CDC42BPB: variants seen among roughly 807,000 people sequenced by gnomAD.
CDC42BPB encodes the protein serine/threonine-protein kinase MRCK beta.
A neutral mutation model predicts 214.9 loss-of-function variants in CDC42BPB; 37 were observed. That is an observed-to-expected ratio of 0.17 (90% CI 0.13 to 0.23). The LOEUF (loss-of-function observed/expected upper bound fraction) is 0.23. Among genes scored for constraint, CDC42BPB ranks in the 10% least tolerant of loss-of-function variants. The probability of loss-of-function intolerance (pLI) is 1.00; values close to 1 mark genes in which losing one functional copy is unlikely to be tolerated. For synonymous variants in CDC42BPB, 931 were observed against 884.0 expected (o/e 1.05, Z -0.94); for missense variants, 1,694 against 2,227.0 (o/e 0.76, Z 4.82).
At chr14:103,009,329 C>A (rs1431823960) in intron 2 of CDC42BPB, among the ~76,000 whole-genome samples, 1 of 152,212 alleles carries the variant, frequency 6.6e-6, no homozygotes, top group South Asian at 2.1e-4. Flanking sequence ...GCACATTCTG[C>A]GTGCCAGAGA....
intron 5 of CDC42BPB, among the ~76,000 whole-genome samples, chr14:102,993,716 G>A (rs1383190020): frequency 6.6e-6 from 1 of 152,162 alleles, no homozygotes; most frequent in East Asian, 1.9e-4. Flanking sequence ...AGTCACCCAT[G>A]TAAATAAAAG....
intron 27 of CDC42BPB, 105 bp downstream of exon 27, chr14:102,947,616 G>A: frequency 1.0e-6 from 1 of 986,062 alleles, no homozygotes. Context: ...GAGACCCTAG[G>A]GCCACACTGG....
At chr14:103,038,722 G>GT (rs937014140) in intron 1 of CDC42BPB, among the ~76,000 whole-genome samples, 1 of 115,938 alleles carries the variant, frequency 8.6e-6, no homozygotes, top group Non-Finnish European at 1.8e-5. Flanking sequence ...AGACGGGGGG[G>GT]GGGGGCGGGT....
intron 7 of CDC42BPB, chr14:102,981,222 T>C (rs903348901): frequency 2.0e-6 from 2 of 978,728 alleles, no homozygotes; most frequent in Non-Finnish European, 2.4e-6. Context: ...TTTTACTCAT[T>C]GTAGACTTGT....
chr14:102,963,724 C>T (rs1226196567), intron 19 of CDC42BPB, among the ~76,000 whole-genome samples: 1 of 152,204 alleles, frequency 6.6e-6, no homozygotes, highest in Non-Finnish European at 1.5e-5. Flanking sequence ...ACAAGACTGC[C>T]TACCCTGTTG....
rs71119751 is a variant in CDC42BPB, at chr14:103,048,532, C to CAAA, written c.175+8464_175+8466dup. Among the ~76,000 whole-genome samples the CAAA allele has an allele frequency of 2.0e-3, 84 of 42,652 alleles. 2 individuals are homozygous for CAAA. Among genetic ancestry groups the CAAA allele is most frequent in the Admixed American group, 2.4e-3 (6 of 2,494 alleles). 28.0% of individuals were successfully genotyped at this position (42,652 alleles called of 152,430 possible). ...TGAAACCCTGTTTCTACTAAAAATA[C>CAAA]AAAAAAAAAAAAAAAAAAAAAAAAA... On this transcript the variant is annotated intron_variant, in intron 1 of 36. Transcript: ENST00000361246.
At chr14:103,041,084 TATTA>T (rs1426703339) in intron 1 of CDC42BPB, among the ~76,000 whole-genome samples, 1 of 152,188 alleles carries the variant, frequency 6.6e-6, no homozygotes, top group Non-Finnish European at 1.5e-5. Context: ...GAGACACATA[TATTA>T]ATGGAATACA....
At chr14:103,027,148 C>A (rs781727304) in intron 1 of CDC42BPB, among the ~76,000 whole-genome samples, 10 of 152,218 alleles carry the variant, frequency 6.6e-5, no homozygotes, top group Non-Finnish European at 1.5e-4. Flanking sequence ...CCTCACTTCA[C>A]ACCCACTAGG....
At chr14:103,043,551 G>C (rs1888126035) in intron 1 of CDC42BPB, among the ~76,000 whole-genome samples, 1 of 152,150 alleles carries the variant, frequency 6.6e-6, no homozygotes, top group South Asian at 2.1e-4. Flanking sequence ...AAAGGTTACA[G>C]GGTTCCTTTG....
intron 30 of CDC42BPB, chr14:102,941,437 A>C (rs973699515): frequency 1.0e-6 from 1 of 985,482 alleles, no homozygotes; most frequent in South Asian, 4.7e-5. Flanking sequence ...GTTTGCAAGA[A>C]AGACAAAAGA....
rs548367230 is a variant in CDC42BPB, at chr14:103,016,010, C to T, written c.176-3822G>A. Among the ~76,000 whole-genome samples, 32 of 152,188 alleles carry T rather than the reference C, an allele frequency of 2.1e-4. No homozygotes were observed. The South Asian group carries it at 6.5e-3, about 31-fold the overall frequency. On this transcript the variant is annotated intron_variant, in intron 1 of 36. Transcript: ENST00000361246. ...GGATTACAGGCGTGAGCCACTGCGC[C>T]CGGCCGAGGCTGGAATTTTTAAAAC...
Position 102,946,537 on chromosome 14 carries a change from G to A in CDC42BPB, c.3679C>T (p.His1227Tyr). Residue 1227 changes from histidine to tyrosine, a missense_variant, in exon 28 of 37, where the codon CAT (histidine) becomes TAT (tyrosine). His to Tyr is a moderately conservative substitution (Grantham distance 83, BLOSUM62 2). Coordinates refer to ENST00000361246, the MANE Select transcript of CDC42BPB (RefSeq NM_006035.4). ...CTGTCGTAGGCTTCCAAGGGAACAT[G>A]CACGACCTGATTCCTCAGCCGGTTT... ...HKNRLRNQVV[H>Y]VPLEAYDSSL... 1 of 1,612,816 alleles carries A rather than the reference G, an allele frequency of 6.2e-7. No individual in the cohort carries two copies. Among genetic ancestry groups the A allele is most frequent in the Non-Finnish European group, 8.5e-7 (1 of 1,179,972 alleles).
At chr14:102,936,912 C>G (rs1290548000) in intron 36 of CDC42BPB, 1 of 152,162 alleles carries the variant, frequency 6.6e-6, no homozygotes, top group East Asian at 1.9e-4. Context: ...CTGGCTCACG[C>G]CTGTAATCTG....
At chr14:103,010,984 C>G (rs1886123513) in intron 2 of CDC42BPB, among the ~76,000 whole-genome samples, 1 of 152,198 alleles carries the variant, frequency 6.6e-6, no homozygotes, top group Admixed American at 6.5e-5. Context: ...GAGCGGAGAT[C>G]GCACCACTGC....
Position 103,001,753 on chromosome 14 carries a change from G to T in CDC42BPB, c.448-2040C>A, listed in dbSNP as rs1474719613. 6.6e-6 allele frequency among the ~76,000 whole-genome samples: 1 copy of T among 152,176 alleles called. No homozygotes were observed. Among genetic ancestry groups the T allele is most frequent in the African/African-American group, 2.4e-5 (1 of 41,432 alleles). ...CCAGGGGAGATGCGGTGAACGAACG[G>T]CCAGGCCCTCGGGCCCCTAAGGAAG... On this transcript the variant is annotated intron_variant, in intron 4 of 36. Transcript: ENST00000361246. The surrounding 1 kb of genome is among the most constrained non-coding windows in gnomAD (Gnocchi z 5.8).
At chr14:102,983,472 A>G (rs1270844781) in intron 7 of CDC42BPB, 84 bp downstream of exon 7, 1 of 1,566,814 alleles carries the variant, frequency 6.4e-7, no homozygotes, top group Non-Finnish European at 8.6e-7. Context: ...TTGCTTCCTA[A>G]CGGATCTTCC....
intron 18 of CDC42BPB, among the ~76,000 whole-genome samples, chr14:102,965,263 G>A (rs1893146555): frequency 1.3e-5 from 2 of 151,982 alleles, no homozygotes; most frequent in African/African-American, 4.8e-5. Flanking sequence ...GGGTCCACTG[G>A]ACCCTGGACC....
intron 3 of CDC42BPB, among the ~76,000 whole-genome samples, chr14:103,005,251 G>A (rs1895183232): frequency 6.6e-6 from 1 of 151,694 alleles, no homozygotes; most frequent in Non-Finnish European, 1.5e-5. Context: ...GATTCAAACT[G>A]TCTTACATTT....
Position 102,968,371 on chromosome 14 carries a change from G to A in CDC42BPB, c.2241-13C>T, listed in dbSNP as rs1403813625. ...CATCTCGTTATGCCTGCCAAGGTGAGCGAGAAACAGTTTTAAAAGCTCGTA... is the reference window on the plus strand; with the variant it reads ...CATCTCGTTATGCCTGCCAAGGTGAACGAGAAACAGTTTTAAAAGCTCGTA... On this transcript the variant is annotated splice_polypyrimidine_tract_variant and intron_variant, in intron 15 of 36. Coordinates refer to ENST00000361246, the MANE Select transcript of CDC42BPB (RefSeq NM_006035.4). 3 of 1,613,206 alleles carry A rather than the reference G, an allele frequency of 1.9e-6. No homozygotes were observed. The highest frequency in any genetic ancestry group is 1.7e-6 in the Non-Finnish European group (2 of 1,179,664).
Sources: gnomAD v4.1 joint callset for allele counts (sites outside exome capture counted in the v4.1 genomes callset) on GRCh38, gnomAD v4.1.1 for gene constraint, Gnocchi (gnomAD v3.1) non-coding constraint, MANE v1.5 for transcripts, NCBI Gene and HGNC (gene_info 2026-07-23, HGNC 2026-07-21) for gene names.